The following RUNX1 variants were observed in gnomAD, a reference collection of about 807,000 sequenced individuals.
RUNX1 encodes RUNX family transcription factor 1, also known as runt-related transcription factor 1.
Under a neutral mutation model 42.8 loss-of-function variants are expected in RUNX1, and 19 were observed. That is an observed-to-expected ratio of 0.44 (90% CI 0.31 to 0.65). The LOEUF is 0.65. Among genes scored for constraint, RUNX1 ranks in the 30% least tolerant of loss-of-function variants. The pLI, the probability that RUNX1 is intolerant of heterozygous loss-of-function variation, is 0.07. For synonymous variants in RUNX1, 271 were observed against 289.4 expected (o/e 0.94, Z 0.64); for missense variants, 528 against 672.0 (o/e 0.79, Z 2.37).
chr21:34,957,078 G>A (rs1289193117), intron 2 of RUNX1, among the ~76,000 whole-genome samples: 3 of 152,186 alleles, frequency 2.0e-5, no homozygotes, highest in Non-Finnish European at 4.4e-5. Flanking sequence ...CAAGAAAGAA[G>A]CTGGCCACGA....
chr21:34,888,191 A>G, intron 3 of RUNX1: 1 of 1,066,638 alleles, frequency 9.4e-7, no homozygotes, highest in African/African-American at 1.6e-5. Context: ...ACCGTCGCCC[A>G]GCACCCGCCG....
At chr21:34,887,340 G>C in intron 3 of RUNX1, 1 of 1,441,812 alleles carries the variant, frequency 6.9e-7, no homozygotes, top group South Asian at 1.4e-5. Flanking sequence ...CTCTGACCCA[G>C]GATGGGCTCC....
At chr21:34,882,328 G>A (rs1252213896) in intron 4 of RUNX1, among the ~76,000 whole-genome samples, 1 of 152,120 alleles carries the variant, frequency 6.6e-6, no homozygotes, top group Non-Finnish European at 1.5e-5. Context: ...CACAGAACAC[G>A]AACTAACTCA....
intron 2 of RUNX1, among the ~76,000 whole-genome samples, chr21:34,943,792 C>T (rs2058545214): frequency 6.6e-6 from 1 of 152,144 alleles, no homozygotes; most frequent in Non-Finnish European, 1.5e-5. Flanking sequence ...GGAACCCTCG[C>T]AAATCCTCCT....
At chr21:34,961,279 C>G (rs1038297457) in intron 2 of RUNX1, among the ~76,000 whole-genome samples, 1 of 151,948 alleles carries the variant, frequency 6.6e-6, no homozygotes, top group Non-Finnish European at 1.5e-5. Context: ...GAGGCTGAAG[C>G]AGGGGAGGCG....
At chr21:34,906,938 T>C (rs949934962) in intron 2 of RUNX1, among the ~76,000 whole-genome samples, 4 of 152,232 alleles carry the variant, frequency 2.6e-5, no homozygotes, top group African/African-American at 4.8e-5. Context: ...AAATATAAAA[T>C]GCATTAAAGC....
intron 4 of RUNX1, among the ~76,000 whole-genome samples, chr21:34,882,257 C>A (rs532609167): frequency 2.6e-4 from 39 of 152,336 alleles, no homozygotes; most frequent in African/African-American, 8.9e-4. Flanking sequence ...CACCCTTTCC[C>A]TGTGGCCTCC....
chr21:34,987,662 T>C (rs1018875004), intron 2 of RUNX1, among the ~76,000 whole-genome samples: 2 of 151,522 alleles, frequency 1.3e-5, no homozygotes, highest in African/African-American at 4.9e-5. Context: ...AAAATTCTCA[T>C]AAAACCAAAG....
chr21:34,880,458 G>A (rs1160436944), intron 5 of RUNX1, 99 bp downstream of exon 5: 7 of 1,121,032 alleles, frequency 6.2e-6, no homozygotes, highest in Middle Eastern at 2.3e-4. Context: ...AAGACAGACC[G>A]AGTTTCTAGG....
chr21:34,792,877 C>T lies in RUNX1; in HGVS notation c.968-267G>A, dbSNP rs1327649296. Among the ~76,000 whole-genome samples the T allele has an allele frequency of 6.6e-6, 1 of 151,786 alleles. No individual in the cohort carries two copies. ...ACGAGGATCACCCAGCATGTCACCT[C>T]CCAAGAGGATGGGGACTACCCATGA... On this transcript the variant is annotated intron_variant, in intron 8 of 8. Transcript: ENST00000675419. This position sits in a 1 kb window ranked among gnomAD's most constrained non-coding sequence, Gnocchi z 6.9.
At chr21:35,040,569 C>T (rs561751891) in intron 2 of RUNX1, among the ~76,000 whole-genome samples, 36 of 151,870 alleles carry the variant, frequency 2.4e-4, no homozygotes, top group African/African-American at 8.7e-4. Flanking sequence ...GTCGGGAGAT[C>T]GAAACCATCC....
In RUNX1 at chr21:34,919,465, C is replaced by T. The variant is rs146406749; in HGVS notation, c.59-26502G>A. Among the ~76,000 whole-genome samples, 34 of 152,206 alleles carry T rather than the reference C, an allele frequency of 2.2e-4. No individual in the cohort carries two copies. In the East Asian group the frequency reaches 5.0e-3, roughly 22 times the overall value. On this transcript the variant is annotated intron_variant, in intron 2 of 8. Coordinates refer to ENST00000675419, the MANE Select transcript of RUNX1 (RefSeq NM_001754.5). ...CTACTGACTTACTACATAACTATATCGATTTTGCATGGAAGCTCCTGCTCT... is the reference window on the plus strand; with the variant it reads ...CTACTGACTTACTACATAACTATATTGATTTTGCATGGAAGCTCCTGCTCT...
chr21:34,973,316 C>T lies in RUNX1; in HGVS notation c.58+75526G>A, dbSNP rs184657565. ...TGCTACATAGTTATCATGCCAAGGA[C>T]AAATTTTTGTCTGTGAATGGAGAAG... On this transcript the variant is annotated intron_variant, in intron 2 of 8. Transcript: ENST00000675419. Among the ~76,000 whole-genome samples, 167 of 152,254 alleles carry T rather than the reference C, an allele frequency of 1.1e-3. 1 individual carries two copies. Among genetic ancestry groups the T allele is most frequent in the African/African-American group, 3.8e-3 (158 of 41,538 alleles).
chr21:34,866,025 G>C lies in RUNX1; in HGVS notation c.509-6447C>G, dbSNP rs564736615. On this transcript the variant is annotated intron_variant, in intron 5 of 8. Transcript: ENST00000675419. ...TCAGGTCTAGTTTGCAGGTATCCCC[G>C]GTCTACCTGAGTTGGCTCTGCAGCA... Among the ~76,000 whole-genome samples the C allele has an allele frequency of 8.5e-5, 13 of 152,248 alleles. No homozygotes were observed. In the South Asian group the frequency reaches 2.7e-3, roughly 32 times the overall value.
chr21:34,850,973 G>C lies in RUNX1; in HGVS notation c.613+8501C>G, dbSNP rs374557246. ...CCAGGCATGGTTCTAAGCCACAGAG[G>C]CTGCTGCATTCAGCCTTCCAGTGAT... On this transcript the variant is annotated intron_variant, in intron 6 of 8. Transcript: ENST00000675419. Among the ~76,000 whole-genome samples, 6 of 152,232 alleles carry C rather than the reference G, an allele frequency of 3.9e-5. No individual in the cohort carries two copies. The South Asian group carries it at 8.3e-4, about 21-fold the overall frequency.
At chr21:34,854,510 G>C (rs2057469204) in intron 6 of RUNX1, among the ~76,000 whole-genome samples, 1 of 151,702 alleles carries the variant, frequency 6.6e-6, no homozygotes, top group South Asian at 2.1e-4. Flanking sequence ...GCTAGAACCT[G>C]GAAGGCGGAG....
intron 5 of RUNX1, among the ~76,000 whole-genome samples, chr21:34,865,767 A>C (rs923625660): frequency 2.9e-4 from 44 of 152,296 alleles, no homozygotes; most frequent in African/African-American, 9.6e-4. Flanking sequence ...CTTCCTCACC[A>C]CATCTGGGAA....
chr21:34,795,594 CAT>C (rs2145892016), intron 8 of RUNX1, among the ~76,000 whole-genome samples: 2 of 152,314 alleles, frequency 1.3e-5, no homozygotes, highest in East Asian at 3.9e-4. Flanking sequence ...GCCAGGCAGA[CAT>C]GTGGGCAGGG....
rs1166299212 is a variant in RUNX1 at position 34,907,270 on chromosome 21, A to G, written c.59-14307T>C. 1.3e-5 allele frequency among the ~76,000 whole-genome samples: 2 copies of G among 152,204 alleles called. No individual in the cohort carries two copies. The highest frequency in any genetic ancestry group is 6.5e-5 in the Admixed American group (1 of 15,276). On this transcript the variant is annotated intron_variant, in intron 2 of 8. Coordinates refer to ENST00000675419, the MANE Select transcript of RUNX1 (RefSeq NM_001754.5). The surrounding 1 kb of genome is among the most constrained non-coding windows in gnomAD (Gnocchi z 5.3). The stretch of plus-strand genomic sequence containing the variant: ...GGAGATATAGACTTCTAATTTAGCA[A>G]AAAGAAGTATGCTGCCATGTGAAAA...
Sources: allele counts gnomAD v4.1 joint callset (sites outside exome capture counted in the v4.1 genomes callset), GRCh38; gene constraint gnomAD v4.1.1; non-coding constraint Gnocchi (gnomAD v3.1); transcripts MANE v1.5; gene names NCBI Gene and HGNC (gene_info 2026-07-23, HGNC 2026-07-21).